The following VWA5A variants were observed in gnomAD, a reference collection of about 807,000 sequenced individuals.
VWA5A encodes the protein von Willebrand factor A domain-containing protein 5A.
In VWA5A, 77 loss-of-function variants were observed where a neutral mutation model predicts 84.6. That is an observed-to-expected ratio of 0.91 (90% CI 0.76 to 1.10). The LOEUF (loss-of-function observed/expected upper bound fraction) is 1.10. Among genes scored for constraint, VWA5A ranks in the 50% least tolerant of loss-of-function variants. VWA5A has a pLI of 0.00. For missense variants in VWA5A, 973 were observed against 963.0 expected (o/e 1.01, Z -0.14); for synonymous variants, 334 against 350.1 (o/e 0.95, Z 0.51).
At position 124,118,401 on chromosome 11, in the gene VWA5A, C is replaced by T. The variant is rs140905891; in HGVS notation, c.459C>T (p.Tyr153=). The change falls in exon 5 of 19, where the codon TAC becomes TAT. Residue 153 remains tyrosine, a synonymous_variant. Coordinates refer to ENST00000456829, the MANE Select transcript of VWA5A (RefSeq NM_001130142.2). ...TCCCAGCTGTCCTGAATCCTAGATA[C>T]CAGTTCTCTGGTGAGTACCTCTCCC... ...FVLPAVLNPR[Y]QFSGSSKDSC... is the part of the protein sequence containing the mutation. The T allele has an allele frequency of 1.2e-6, 2 of 1,614,086 alleles. No homozygotes were observed. The highest frequency in any genetic ancestry group is 1.3e-5 in the African/African-American group (1 of 74,922).
intron 11 of VWA5A, among the ~76,000 whole-genome samples, chr11:124,134,237 A>G (rs927248651): frequency 2.0e-5 from 3 of 152,152 alleles, no homozygotes; most frequent in African/African-American, 7.2e-5. Context: ...ATGCCACTAG[A>G]CTTGGGGATG....
chr11:124,130,800 G>A (rs1195231691), intron 11 of VWA5A, among the ~76,000 whole-genome samples: 5 of 151,992 alleles, frequency 3.3e-5, no homozygotes, highest in African/African-American at 9.7e-5. Context: ...ATTGTTTTTA[G>A]TGAAAGCAAT....
intron 14 of VWA5A, 62 bp downstream of exon 14, chr11:124,136,736 C>G: frequency 7.5e-7 from 1 of 1,332,442 alleles, no homozygotes; most frequent in Non-Finnish European, 1.1e-6. Flanking sequence ...TTCCTTCCTT[C>G]CTTCCTTCCT....
intron 11 of VWA5A, among the ~76,000 whole-genome samples, chr11:124,126,981 G>C (rs1438999445): frequency 6.6e-6 from 1 of 152,124 alleles, no homozygotes; most frequent in Non-Finnish European, 1.5e-5. Flanking sequence ...ATTTAAAGTT[G>C]AGATAACACA....
chr11:124,123,385 T>C lies in VWA5A; in HGVS notation c.950T>C (p.Leu317Pro). The change falls in exon 9 of 19, where the codon CTG (leucine) becomes CCG (proline). Residue 317 changes from leucine to proline, a missense_variant. Physicochemically the swap from Leu to Pro is moderately conservative, Grantham distance 98. Coordinates refer to ENST00000456829, the MANE Select transcript of VWA5A (RefSeq NM_001130142.2). ...QAAKETLILLLKSLPIGCYFN... is the reference protein window; with the variant it reads ...QAAKETLILLPKSLPIGCYFN... ...CTTCAGGAAACACTGATTTTGCTGC[T>C]GAAGAGTTTACCTATAGGCTGTTAT... 6.2e-7 allele frequency: 1 copy of C among 1,613,900 alleles called. No homozygotes were observed. Among genetic ancestry groups the C allele is most frequent in the African/African-American group, 1.3e-5 (1 of 75,036 alleles).
At chr11:124,116,961 C>T (rs571812574) in intron 2 of VWA5A, among the ~76,000 whole-genome samples, 5 of 152,116 alleles carry the variant, frequency 3.3e-5, no homozygotes, top group Non-Finnish European at 7.4e-5. Flanking sequence ...TCTCTGAATG[C>T]CATGATCCAA....
At chr11:124,136,762 C>G (rs1174266672) in intron 14 of VWA5A, 88 bp downstream of exon 14, 8 of 830,850 alleles carry the variant, frequency 9.6e-6, no homozygotes, top group Non-Finnish European at 1.5e-5. Context: ...CCCTCCCTCC[C>G]TCCCTCCCTC....
chr11:124,145,214 G>A, intron 17 of VWA5A, 23 bp from the exon 18 acceptor site: 1 of 1,594,976 alleles, frequency 6.3e-7, no homozygotes. Flanking sequence ...TGTGCCAACT[G>A]GAGCTCTCTA....
intron 11 of VWA5A, among the ~76,000 whole-genome samples, chr11:124,133,060 G>A (rs998665567): frequency 6.6e-6 from 1 of 152,050 alleles, no homozygotes; most frequent in Non-Finnish European, 1.5e-5. Flanking sequence ...TTTGTTAGTT[G>A]TCAAAGAAAA....
At position 124,146,162 on chromosome 11, in the gene VWA5A, C is replaced by T. The variant is rs1459291071; in HGVS notation, c.*217C>T. ...GCCCTCAGAAAAGTGACAGTGGTCC[C>T]AGAACCTATTCCCTTTCTTGAGGGA... On this transcript the variant is annotated 3_prime_UTR_variant, in exon 19 of 19. Transcript: ENST00000456829. The T allele has an allele frequency of 2.1e-6, 1 of 467,918 alleles. No homozygotes were observed. The highest frequency in any genetic ancestry group is 2.0e-5 in the African/African-American group (1 of 49,296). The allele number at this position is 467,918 out of a possible 1,614,324, so 29.0% of individuals were successfully genotyped here.
intron 15 of VWA5A, among the ~76,000 whole-genome samples, chr11:124,139,054 A>G (rs985618644): frequency 2.6e-5 from 4 of 152,112 alleles, no homozygotes; most frequent in Non-Finnish European, 5.9e-5. Flanking sequence ...TTGTGTTCTT[A>G]GCACTTTTGT....
chr11:124,126,503 G>A (rs1865020413), intron 11 of VWA5A, among the ~76,000 whole-genome samples: 2 of 152,172 alleles, frequency 1.3e-5, no homozygotes. Flanking sequence ...TTGAAGTCCT[G>A]TAATCCCAGC....
chr11:124,117,594 T>C (rs1864852631), intron 3 of VWA5A, 40 bp downstream of exon 3: 3 of 1,614,070 alleles, frequency 1.9e-6, no homozygotes, highest in African/African-American at 2.7e-5. Context: ...ATTGAATCTT[T>C]GGCACCTATC....
In VWA5A at chr11:124,121,069, A is replaced by G. The variant is rs1249388215; in HGVS notation, c.761-1891A>G. ...TCAAGATGACTTGCTGTTCTCATCC[A>G]CACAAGGAAGCGAATGACAGCTTTA... On this transcript the variant is annotated intron_variant, in intron 7 of 18. Coordinates refer to ENST00000456829, the MANE Select transcript of VWA5A (RefSeq NM_001130142.2). Among the ~76,000 whole-genome samples the G allele has an allele frequency of 2.0e-5, 3 of 152,210 alleles. No homozygotes were observed. The East Asian group carries it at 5.8e-4, about 29-fold the overall frequency.
chr11:124,117,706 T>G lies in VWA5A; in HGVS notation c.77T>G (p.Ile26Ser). Residue 26 changes from isoleucine to serine, a missense_variant, in exon 4 of 19, where the codon ATT becomes AGT. Coordinates refer to ENST00000456829, the MANE Select transcript of VWA5A (RefSeq NM_001130142.2). ...AAGAGTATCTCTGTGAGCGTGAACA[T>G]TTACGAGTTTGTGGCTGGTGTGTCT... ...PLKSISVSVN[I>S]YEFVAGVSAT... is the part of the protein sequence containing the mutation. The G allele has an allele frequency of 6.2e-7, 1 of 1,614,196 alleles. No homozygotes were observed. Among genetic ancestry groups the G allele is most frequent in the Admixed American group, 1.7e-5 (1 of 60,026 alleles).
chr11:124,141,597 G>C lies in VWA5A; in HGVS notation c.1880-1G>C. 2 of 1,613,930 alleles carry C rather than the reference G, an allele frequency of 1.2e-6. No homozygotes were observed. Among genetic ancestry groups the C allele is most frequent in the Non-Finnish European group, 1.7e-6 (2 of 1,179,954 alleles). On this transcript the variant is annotated splice_acceptor_variant, in intron 15 of 18. Transcript: ENST00000456829. LOFTEE classifies it high-confidence loss of function. ...CTGTCTTAATGTTTGGATTTTTTCA[G>C]GTTTTCGAAAGGCCTTACACTCTGA...
chr11:124,121,970 T>C (rs1470517301), intron 7 of VWA5A, among the ~76,000 whole-genome samples: 1 of 152,228 alleles, frequency 6.6e-6, no homozygotes, highest in Non-Finnish European at 1.5e-5. Flanking sequence ...GTAAATGTTA[T>C]TTTTTGAACT....
At chr11:124,135,508 C>G (rs1381190446) in intron 12 of VWA5A, among the ~76,000 whole-genome samples, 2 of 149,634 alleles carry the variant, frequency 1.3e-5, no homozygotes, top group African/African-American at 4.9e-5. Context: ...GAGAAGACCC[C>G]TCTGGTGGTA....
At chr11:124,119,717 A>AT (rs1318717833) in intron 7 of VWA5A, among the ~76,000 whole-genome samples, 1 of 152,248 alleles carries the variant, frequency 6.6e-6, no homozygotes, top group Non-Finnish European at 1.5e-5. Context: ...ATGAGTTAAT[A>AT]TGCAGCTACT....
Sources: gnomAD v4.1 joint callset for allele counts (sites outside exome capture counted in the v4.1 genomes callset) on GRCh38, gnomAD v4.1.1 for gene constraint, MANE v1.5 for transcripts, NCBI Gene and HGNC (gene_info 2026-07-23, HGNC 2026-07-21) for gene names.